The following SLC35F4 variants were observed in gnomAD, a reference collection of about 807,000 sequenced individuals.
SLC35F4 encodes the protein solute carrier family 35 member F4, also known as chromosome 14 open reading frame 36.
Under a neutral mutation model 44.2 loss-of-function variants are expected in SLC35F4, and 24 were observed. The observed-to-expected ratio is 0.54, with a 90% confidence interval of 0.39 to 0.76. The LOEUF is 0.76. SLC35F4 is among the 30% of genes least tolerant of loss of function. The probability of loss-of-function intolerance (pLI) is 0.00; values close to 1 mark genes in which losing one functional copy is unlikely to be tolerated. For synonymous variants in SLC35F4, 238 were observed against 223.6 expected (o/e 1.06, Z -0.57); for missense variants, 562 against 586.1 (o/e 0.96, Z 0.42).
intron 1 of SLC35F4, chr14:57,596,129 AT>A (rs1322382616): frequency 6.6e-6 from 1 of 152,424 alleles, no homozygotes; most frequent in Non-Finnish European, 1.5e-5. Flanking sequence ...GTATGTCTGT[AT>A]AAAAATATCT....
At chr14:57,629,299 A>T (rs915621967) in intron 1 of SLC35F4, among the ~76,000 whole-genome samples, 6 of 152,018 alleles carry the variant, frequency 3.9e-5, no homozygotes, top group African/African-American at 1.2e-4. Flanking sequence ...TCCACTAAAA[A>T]TTTTTTTTAA....
At chr14:57,820,091 T>A (rs1883008025) in intron 1 of SLC35F4, among the ~76,000 whole-genome samples, 1 of 152,170 alleles carries the variant, frequency 6.6e-6, no homozygotes, top group Non-Finnish European at 1.5e-5. Flanking sequence ...TAAATTTGTA[T>A]GCCTATACCA....
chr14:57,634,288 A>T (rs1225169488), intron 1 of SLC35F4, among the ~76,000 whole-genome samples: 3 of 152,148 alleles, frequency 2.0e-5, no homozygotes, highest in Non-Finnish European at 4.4e-5. Flanking sequence ...TGGTGCTATG[A>T]AGATGTATAA....
chr14:57,660,899 C>T (rs8009316), intron 1 of SLC35F4, among the ~76,000 whole-genome samples: 35,993 of 151,976 alleles, frequency 0.24, 4,844 homozygotes, highest in African/African-American at 0.37. Context: ...TCTCAGAAAC[C>T]GTAAAATCGT....
intron 1 of SLC35F4, among the ~76,000 whole-genome samples, chr14:57,859,306 T>C (rs551212191): frequency 1.3e-5 from 2 of 152,250 alleles, no homozygotes; most frequent in Admixed American, 1.3e-4. Context: ...GAGATAAATG[T>C]TCAGTACAAA....
chr14:57,726,096 G>T (rs896804019), intron 1 of SLC35F4, among the ~76,000 whole-genome samples: 2 of 152,132 alleles, frequency 1.3e-5, no homozygotes, highest in African/African-American at 2.4e-5. Context: ...TGGGGTGATT[G>T]ACCCAGACTA....
intron 1 of SLC35F4, among the ~76,000 whole-genome samples, chr14:57,784,051 C>T (rs2077696196): frequency 6.6e-6 from 1 of 151,998 alleles, no homozygotes. Flanking sequence ...TATGACAGAG[C>T]TAATCAAGGA....
chr14:57,640,267 C>T (rs900124800), intron 1 of SLC35F4, among the ~76,000 whole-genome samples: 2 of 151,856 alleles, frequency 1.3e-5, no homozygotes, highest in South Asian at 2.1e-4. Flanking sequence ...TCTGTAAATC[C>T]CCACTGAATA....
chr14:57,764,167 G>T (rs551156314), intron 1 of SLC35F4, among the ~76,000 whole-genome samples: 1 of 152,236 alleles, frequency 6.6e-6, no homozygotes, highest in African/African-American at 2.4e-5. Context: ...CCAAGCAACA[G>T]CCTCCCAGCT....
At chr14:57,815,828 A>G (rs1167529577) in intron 1 of SLC35F4, among the ~76,000 whole-genome samples, 1 of 152,198 alleles carries the variant, frequency 6.6e-6, no homozygotes, top group African/African-American at 2.4e-5. Flanking sequence ...TCCTCCTCAT[A>G]GGCACAAATT....
At chr14:57,775,579 A>G (rs748803473) in intron 1 of SLC35F4, among the ~76,000 whole-genome samples, 1 of 152,234 alleles carries the variant, frequency 6.6e-6, no homozygotes, top group African/African-American at 2.4e-5. Flanking sequence ...AAGCCAGTCA[A>G]CTGAACCCAT....
At chr14:57,957,008 CTG>C (rs1032929769) in intron 1 of SLC35F4, among the ~76,000 whole-genome samples, 22 of 152,190 alleles carry the variant, frequency 1.4e-4, no homozygotes, top group African/African-American at 5.1e-4. Flanking sequence ...TATTGCAGCA[CTG>C]TTCACAATAG....
At chr14:57,760,687 C>A (rs977158833) in intron 1 of SLC35F4, among the ~76,000 whole-genome samples, 2 of 152,122 alleles carry the variant, frequency 1.3e-5, no homozygotes, top group African/African-American at 4.8e-5. Flanking sequence ...TTTAGTGAAG[C>A]AATAATTATT....
intron 1 of SLC35F4, among the ~76,000 whole-genome samples, chr14:57,856,438 A>G (rs995826824): frequency 1.3e-5 from 2 of 152,060 alleles, no homozygotes; most frequent in African/African-American, 4.8e-5. Flanking sequence ...ATAGGCTTTC[A>G]AAATAAGGTA....
chr14:57,676,374 G>A (rs1257797743), intron 1 of SLC35F4, among the ~76,000 whole-genome samples: 1 of 152,010 alleles, frequency 6.6e-6, no homozygotes, highest in African/African-American at 2.4e-5. Context: ...AATGGGAGCT[G>A]AACAATGAGA....
At chr14:57,644,141 G>C (rs1180268680) in intron 1 of SLC35F4, among the ~76,000 whole-genome samples, 1 of 152,142 alleles carries the variant, frequency 6.6e-6, no homozygotes, top group Non-Finnish European at 1.5e-5. Context: ...CCAGTAATGG[G>C]ATGGCTGGGT....
chr14:57,750,809 A>T (rs1309288633), intron 1 of SLC35F4, among the ~76,000 whole-genome samples: 3 of 152,132 alleles, frequency 2.0e-5, no homozygotes, highest in Admixed American at 2.0e-4. Flanking sequence ...TCTGATGAAT[A>T]GTTTCAAATA....
intron 1 of SLC35F4, among the ~76,000 whole-genome samples, chr14:57,848,772 G>A (rs1221219224): frequency 6.6e-6 from 1 of 152,172 alleles, no homozygotes; most frequent in Non-Finnish European, 1.5e-5. Context: ...ACATTGGGTA[G>A]GTTTGTTTGT....
At chr14:57,707,530 C>T (rs1000238965) in intron 1 of SLC35F4, among the ~76,000 whole-genome samples, 5 of 152,234 alleles carry the variant, frequency 3.3e-5, no homozygotes, top group Admixed American at 2.0e-4. Flanking sequence ...CCTTCCCAGC[C>T]GTGAAGAACT....
Sources: gnomAD v4.1 joint callset for allele counts (sites outside exome capture counted in the v4.1 genomes callset) on GRCh38, gnomAD v4.1.1 for gene constraint, MANE v1.5 for transcripts, NCBI Gene and HGNC (gene_info 2026-07-23, HGNC 2026-07-21) for gene names.